Variants in NBAS observed in about 807,000 individuals in gnomAD.
The protein encoded by NBAS is NBAS subunit of NRZ tethering complex.
NBAS carries 219 observed loss-of-function variants against 302.5 expected under a neutral mutation model. The ratio of observed to expected loss-of-function variants is 0.72; its 90% CI spans 0.65 to 0.81. NBAS has a LOEUF of 0.81. Among genes scored for constraint, NBAS ranks in the 30% least tolerant of loss-of-function variants. The probability of loss-of-function intolerance (pLI) is 0.00; values close to 1 mark genes in which losing one functional copy is unlikely to be tolerated. For synonymous variants in NBAS, 1,118 were observed against 1,021.6 expected, an observed-to-expected ratio of 1.09 and a Z score of -1.80; for missense variants, 2,932 against 2,841.6, an observed-to-expected ratio of 1.03 and a Z score of -0.72.
chr2:15,561,278 A>G lies in NBAS; in HGVS notation c.27T>C (p.Ala9=). MAAPESGP[A]LSPGTAEGEE... is the part of the protein sequence containing the mutation. ...CACCCTCTGCAGTGCCTGGACTCAAAGCCGGCCCTGACTCGGGGGCCGCCA... is the reference window on the plus strand; with the variant it reads ...CACCCTCTGCAGTGCCTGGACTCAAGGCCGGCCCTGACTCGGGGGCCGCCA... The change falls in exon 1 of 52, where the codon GCT becomes GCC. Residue 9 remains alanine, a synonymous_variant. Transcript: ENST00000281513. 1 of 1,613,672 alleles carries G rather than the reference A, an allele frequency of 6.2e-7. No homozygotes were observed. The highest frequency in any genetic ancestry group is 8.5e-7 in the Non-Finnish European group (1 of 1,180,036).
chr2:15,353,600 T>C lies in NBAS; in HGVS notation c.4042A>G (p.Ser1348Gly). The change falls in exon 34 of 52, where the codon AGC (serine) becomes GGC (glycine). Residue 1348 changes from serine to glycine, a missense_variant. Transcript: ENST00000281513. The part of the protein sequence containing the change: ...MAFALTHCPP[S>G]SIELLLAASS... ...GCTGCCAAAAGAAGTTCAATGCTGCTAGGAGGGCAATGTGTCAAAGCAAAA... is the reference window on the plus strand; with the variant it reads ...GCTGCCAAAAGAAGTTCAATGCTGCCAGGAGGGCAATGTGTCAAAGCAAAA... 6.2e-7 allele frequency: 1 copy of C among 1,614,028 alleles called. No homozygotes were observed. Among genetic ancestry groups the C allele is most frequent in the Non-Finnish European group, 8.5e-7 (1 of 1,179,934 alleles).
Position 15,319,284 on chromosome 2 carries a change from C to A in NBAS, c.4582+8466G>T, listed in dbSNP as rs546497131. ...GGAACTTTATAGCACTAAATGCCCA[C>A]AAGAGAAAGCAGGAAAGATATAAAA... On this transcript the variant is annotated intron_variant, in intron 38 of 51. Transcript: ENST00000281513. Among the ~76,000 whole-genome samples, 22 of 152,152 alleles carry A rather than the reference C, an allele frequency of 1.4e-4. No individual in the cohort carries two copies. The East Asian group carries it at 3.1e-3, about 21-fold the overall frequency.
At chr2:15,445,172 T>C (rs1412794810) in intron 21 of NBAS, among the ~76,000 whole-genome samples, 1 of 151,456 alleles carries the variant, frequency 6.6e-6, no homozygotes, top group East Asian at 2.0e-4. Flanking sequence ...CCCAAAGGAC[T>C]AGAAATCATG....
the NBAS span, among the ~76,000 whole-genome samples, chr2:14,934,026 G>T: frequency 1.2e-4 from 19 of 152,186 alleles, no homozygotes; most frequent in East Asian, 3.7e-3. Flanking sequence ...GTAGTGTAAT[G>T]TGCTTTGGTG....
At position 15,239,171 on chromosome 2, in the gene NBAS, T is replaced by C. The variant is rs75862053; in HGVS notation, c.5725-485A>G. Among the ~76,000 whole-genome samples, 71 of 152,268 alleles carry C rather than the reference T, an allele frequency of 4.7e-4. 1 individual carries two copies. In the East Asian group the frequency reaches 0.013, roughly 29 times the overall value. The stretch of plus-strand genomic sequence containing the variant: ...TGGAATATTATGTAGTCATTAAAAT[T>C]AGAATTATAAAAACAGTATCCAAAC... On this transcript the variant is annotated intron_variant, in intron 44 of 51. Coordinates refer to ENST00000281513, the MANE Select transcript of NBAS (RefSeq NM_015909.4).
intron 44 of NBAS, among the ~76,000 whole-genome samples, chr2:15,247,923 G>A (rs1362569033): frequency 6.6e-6 from 1 of 152,006 alleles, no homozygotes; most frequent in East Asian, 1.9e-4. Flanking sequence ...GGATATCCAG[G>A]ATTTGAACTC....
chr2:15,298,592 T>A (rs1670654935), intron 40 of NBAS, among the ~76,000 whole-genome samples: 2 of 152,216 alleles, frequency 1.3e-5, no homozygotes, highest in South Asian at 4.1e-4. Context: ...GTACTTTCTA[T>A]CTCTTCCTCA....
the NBAS span, among the ~76,000 whole-genome samples, chr2:15,097,491 T>C: frequency 6.6e-6 from 1 of 152,148 alleles, no homozygotes; most frequent in African/African-American, 2.4e-5. Flanking sequence ...GTTGAGAGGC[T>C]GATAAACCAC....
chr2:15,488,528 A>C (rs1680727678), intron 12 of NBAS, among the ~76,000 whole-genome samples: 1 of 152,194 alleles, frequency 6.6e-6, no homozygotes, highest in Non-Finnish European at 1.5e-5. Flanking sequence ...AGATTTGAAA[A>C]GAATTGTAAC....
the NBAS span, among the ~76,000 whole-genome samples, chr2:14,848,187 G>T: frequency 3.4e-3 from 511 of 151,858 alleles, 6 homozygotes; most frequent in African/African-American, 0.012. Flanking sequence ...TCACTAGGGA[G>T]TTCCAGAGAG....
chr2:15,317,618 A>T (rs1671576485), intron 38 of NBAS, among the ~76,000 whole-genome samples: 1 of 152,204 alleles, frequency 6.6e-6, no homozygotes, highest in African/African-American at 2.4e-5. Context: ...AAGCTTCAGT[A>T]GCCAATTTGG....
At chr2:15,400,220 G>A (rs1216271975) in intron 26 of NBAS, among the ~76,000 whole-genome samples, 7 of 149,820 alleles carry the variant, frequency 4.7e-5, no homozygotes, top group African/African-American at 7.4e-5. Flanking sequence ...GGAAGAGAGC[G>A]AGAAAAGAAG....
In NBAS at chr2:15,186,109, C is replaced by CACACAT. The variant is rs780674526; in HGVS notation, c.6711+632_6711+633insATGTGT. ...ATACACACACACACACACACACACA[C>CACACAT]ATATGTGTATGTATGTGTGTATATA... is the stretch of plus-strand genomic sequence containing the variant. On this transcript the variant is annotated intron_variant, in intron 50 of 51. Transcript: ENST00000281513. Among the ~76,000 whole-genome samples, 106 of 144,998 alleles carry CACACAT rather than the reference C, an allele frequency of 7.3e-4. 1 individual carries two copies. The highest frequency in any genetic ancestry group is 2.6e-3 in the South Asian group (12 of 4,626).
chr2:15,064,619 C>T, the NBAS span, among the ~76,000 whole-genome samples: 1 of 152,114 alleles, frequency 6.6e-6, no homozygotes, highest in African/African-American at 2.4e-5. Flanking sequence ...TATGGTTTCA[C>T]TTAGGAATTC....
chr2:15,185,227 A>G (rs1372696551), intron 50 of NBAS, among the ~76,000 whole-genome samples: 1 of 152,166 alleles, frequency 6.6e-6, no homozygotes, highest in Non-Finnish European at 1.5e-5. Context: ...AGATAAATGA[A>G]TCTCCTTACA....
the NBAS span, among the ~76,000 whole-genome samples, chr2:14,786,634 G>C: frequency 1.3e-5 from 2 of 151,748 alleles, no homozygotes; most frequent in Non-Finnish European, 1.5e-5. Flanking sequence ...GAGCGGTTTT[G>C]AGTGAGTTTC....
At chr2:15,049,317 C>T in the NBAS span, among the ~76,000 whole-genome samples, 1 of 152,234 alleles carries the variant, frequency 6.6e-6, no homozygotes, top group African/African-American at 2.4e-5. Context: ...CCTGCCAGGC[C>T]TCCCACATGC....
chr2:14,965,650 A>T, the NBAS span, among the ~76,000 whole-genome samples: 2 of 152,198 alleles, frequency 1.3e-5, no homozygotes, highest in Non-Finnish European at 2.9e-5. Context: ...ATAGCAGAGG[A>T]GGGAATACTT....
the NBAS span, among the ~76,000 whole-genome samples, chr2:15,159,173 G>A: frequency 0.012 from 1,894 of 152,212 alleles, 38 homozygotes; most frequent in African/African-American, 0.042. Context: ...GGGGGCCTTC[G>A]GTTTGCACTC....
Sources: allele counts gnomAD v4.1 joint callset (sites outside exome capture counted in the v4.1 genomes callset), GRCh38; gene constraint gnomAD v4.1.1; transcripts MANE v1.5; gene names NCBI Gene and HGNC (gene_info 2026-07-23, HGNC 2026-07-21).